ACYP2: variants seen among roughly 807,000 people sequenced by gnomAD.
The protein encoded by ACYP2 is acylphosphatase 2.
ACYP2 carries 12 observed loss-of-function variants against 11.2 expected under a neutral mutation model. The ratio of observed to expected loss-of-function variants is 1.08; its 90% confidence interval spans 0.69 to 1.74. ACYP2 has a LOEUF of 1.74. ACYP2 is among the 40% of genes most tolerant of loss of function. The probability of loss-of-function intolerance (pLI) is 0.00; values close to 1 mark genes in which losing one functional copy is unlikely to be tolerated. For missense variants in ACYP2, 134 were observed against 101.9 expected, an observed-to-expected ratio of 1.31 and a Z score of -1.35; for synonymous variants, 43 against 32.2, an observed-to-expected ratio of 1.33 and a Z score of -1.13.
In ACYP2 at chr2:54,199,855, C is replaced by T. The variant is rs952799559; in HGVS notation, c.404+61107C>T. Among the ~76,000 whole-genome samples, 15 of 152,312 alleles carry T rather than the reference C, an allele frequency of 9.8e-5. No homozygotes were observed. In the South Asian group the frequency reaches 1.0e-3, roughly 11 times the overall value. On this transcript the variant is annotated intron_variant, in intron 6 of 6. Transcript: ENST00000607452. The stretch of plus-strand genomic sequence containing the variant: ...GCACTGTTCTGTCATGCGGGACCCA[C>T]GCTGATGGGTGCCTGGTGATCGTTG...
chr2:54,192,630 T>G (rs1441206382), intron 6 of ACYP2, among the ~76,000 whole-genome samples: 1 of 152,180 alleles, frequency 6.6e-6, no homozygotes, highest in African/African-American at 2.4e-5. Context: ...AAAAAGAGGC[T>G]TGTAATATTT....
At chr2:54,120,852 C>G (rs1423922662) in intron 4 of ACYP2, among the ~76,000 whole-genome samples, 1 of 152,182 alleles carries the variant, frequency 6.6e-6, no homozygotes, top group African/African-American at 2.4e-5. Flanking sequence ...AACCACAGAG[C>G]CCCAAGGTGT....
intron 6 of ACYP2, among the ~76,000 whole-genome samples, chr2:54,301,002 C>G (rs987458133): frequency 5.3e-5 from 8 of 152,110 alleles, no homozygotes; most frequent in African/African-American, 1.7e-4. Flanking sequence ...ATATTCCTTT[C>G]CCTTTCATTT....
chr2:54,208,705 C>CT (rs58189502), intron 6 of ACYP2, among the ~76,000 whole-genome samples: 2,274 of 94,558 alleles, frequency 0.024, 46 homozygotes, highest in African/African-American at 0.1. Flanking sequence ...AAAAGGGAGA[C>CT]TTTTTTTTTT....
At chr2:54,058,357 C>CA (rs1164304524) in intron 4 of ACYP2, among the ~76,000 whole-genome samples, 1 of 150,760 alleles carries the variant, frequency 6.6e-6, no homozygotes, top group Non-Finnish European at 1.5e-5. Context: ...CTGTGCTTCC[C>CA]AGGGGCTTTT....
At chr2:54,024,310 C>T (rs1674161289) in intron 2 of ACYP2, among the ~76,000 whole-genome samples, 1 of 152,128 alleles carries the variant, frequency 6.6e-6, no homozygotes, top group African/African-American at 2.4e-5. Context: ...AGATTGCATT[C>T]AGCCGAGATC....
At chr2:54,113,719 G>C (rs974580228) in intron 4 of ACYP2, among the ~76,000 whole-genome samples, 4 of 152,044 alleles carry the variant, frequency 2.6e-5, no homozygotes, top group South Asian at 2.1e-4. Flanking sequence ...TTGGAGAAGG[G>C]GGAGGCATTC....
intron 4 of ACYP2, among the ~76,000 whole-genome samples, chr2:54,098,232 G>A (rs950868605): frequency 6.6e-6 from 1 of 152,078 alleles, no homozygotes; most frequent in African/African-American, 2.4e-5. Context: ...GCCTCCCAAA[G>A]TGCTGAGATT....
intron 6 of ACYP2, among the ~76,000 whole-genome samples, chr2:54,200,945 T>C (rs559130484): frequency 6.6e-6 from 1 of 152,322 alleles, no homozygotes; most frequent in East Asian, 1.9e-4. Flanking sequence ...ATTATAACTA[T>C]TCTAGAGTGG....
chr2:54,165,369 C>A (rs1327091063), intron 6 of ACYP2, among the ~76,000 whole-genome samples: 1 of 152,062 alleles, frequency 6.6e-6, no homozygotes, highest in African/African-American at 2.4e-5. Flanking sequence ...CCAAAGCTGG[C>A]CATTCATTGT....
At chr2:54,292,626 A>G (rs1689356403) in intron 6 of ACYP2, among the ~76,000 whole-genome samples, 1 of 151,690 alleles carries the variant, frequency 6.6e-6, no homozygotes, top group Admixed American at 6.6e-5. Flanking sequence ...GCATCTATTA[A>G]CCAGTTGATT....
chr2:54,008,306 A>C (rs1468598622), intron 2 of ACYP2, among the ~76,000 whole-genome samples: 1 of 152,218 alleles, frequency 6.6e-6, no homozygotes, highest in Non-Finnish European at 1.5e-5. Flanking sequence ...TTGATTTCTC[A>C]GTATTCCTCA....
At chr2:54,088,430 C>T (rs115132006) in intron 4 of ACYP2, among the ~76,000 whole-genome samples, 103 of 152,250 alleles carry the variant, frequency 6.8e-4, no homozygotes, top group African/African-American at 2.4e-3. Context: ...GGAGCCCGTA[C>T]GTTATTCACC....
At chr2:54,066,480 T>C (rs1359600048) in intron 4 of ACYP2, among the ~76,000 whole-genome samples, 1 of 152,212 alleles carries the variant, frequency 6.6e-6, no homozygotes, top group Non-Finnish European at 1.5e-5. Context: ...GAAATAGATA[T>C]TGCTGACCTC....
At chr2:54,229,667 C>T (rs1030596413) in intron 6 of ACYP2, among the ~76,000 whole-genome samples, 2 of 152,128 alleles carry the variant, frequency 1.3e-5, no homozygotes, top group African/African-American at 4.8e-5. Context: ...TAGTGTTTAT[C>T]CATTGCCTCC....
intron 6 of ACYP2, among the ~76,000 whole-genome samples, chr2:54,223,572 C>T (rs1685886959): frequency 6.6e-6 from 1 of 152,158 alleles, no homozygotes; most frequent in Admixed American, 6.6e-5. Flanking sequence ...CTTGATTCTA[C>T]AACACTGTGT....
In ACYP2 at chr2:54,252,873, C is replaced by T. The variant is rs149690773; in HGVS notation, c.405-51815C>T. On this transcript the variant is annotated intron_variant, in intron 6 of 6. Transcript: ENST00000607452. ...GAGCTGAGATCGTGCCACTGCACTCCAGCCTGGGCGACTGAGCGAGACTCC... is the reference window on the plus strand; with the variant it reads ...GAGCTGAGATCGTGCCACTGCACTCTAGCCTGGGCGACTGAGCGAGACTCC... Among the ~76,000 whole-genome samples, 830 of 150,800 alleles carry T rather than the reference C, an allele frequency of 5.5e-3. 11 individuals carry two copies. The highest frequency in any genetic ancestry group is 0.017 in the African/African-American group (690 of 40,926).
intron 6 of ACYP2, among the ~76,000 whole-genome samples, chr2:54,303,856 A>G (rs13407991): frequency 0.14 from 21,216 of 152,230 alleles, 2,313 homozygotes; most frequent in African/African-American, 0.3. Context: ...GCCTTGTTTT[A>G]TAAACCTAAA....
chr2:54,179,833 T>C (rs13399915), intron 6 of ACYP2, among the ~76,000 whole-genome samples: 20,761 of 152,160 alleles, frequency 0.14, 3,356 homozygotes, highest in African/African-American at 0.39. Flanking sequence ...TGTCGGGGAA[T>C]GCAGCCCAGT....
Sources: allele counts gnomAD v4.1 joint callset (sites outside exome capture counted in the v4.1 genomes callset), GRCh38; gene constraint gnomAD v4.1.1; transcripts MANE v1.5; gene names NCBI Gene and HGNC (gene_info 2026-07-23, HGNC 2026-07-21).